CNOT10: variants seen among roughly 807,000 people sequenced by gnomAD.
CNOT10 encodes CCR4-NOT transcription complex, subunit 10.
CNOT10 carries 30 observed loss-of-function variants against 94.6 expected under a neutral mutation model. That is an observed-to-expected ratio of 0.32 (90% CI 0.24 to 0.43). CNOT10 has a LOEUF of 0.43. Ranked by LOEUF, CNOT10 falls within the 20% of genes least tolerant of loss-of-function variation. The probability of loss-of-function intolerance (pLI) is 1.00; values close to 1 mark genes in which losing one functional copy is unlikely to be tolerated. For missense variants in CNOT10, 759 were observed against 877.2 expected, an observed-to-expected ratio of 0.87 and a Z score of 1.70; for synonymous variants, 289 against 301.6, an observed-to-expected ratio of 0.96 and a Z score of 0.43.
chr3:32,716,984 G>T (rs1483464011), intron 6 of CNOT10, among the ~76,000 whole-genome samples, 170 bp from the exon 7 acceptor site: 1 of 152,254 alleles, frequency 6.6e-6, no homozygotes, highest in South Asian at 2.1e-4. Flanking sequence ...GTATTTTGAA[G>T]TATATTCGAA....
rs372155147 is a variant in CNOT10 at position 32,703,943 on chromosome 3, A to G, written c.98A>G (p.Asn33Ser). 1.7e-5 allele frequency: 28 copies of G among 1,612,252 alleles called. No homozygotes were observed. The highest frequency in any genetic ancestry group is 1.6e-4 in the South Asian group (15 of 91,032). The change falls in exon 2 of 19, where the codon AAT becomes AGT. Residue 33 changes from asparagine to serine, a missense_variant. This residue lies in a region of CNOT10 where 682 missense variants were observed against 799.4 expected (regional missense o/e 0.85). Coordinates refer to ENST00000328834, the MANE Select transcript of CNOT10 (RefSeq NM_015442.3). Reference protein sequence around the residue: ...ITDQEKELSTNAFQAFTSGNY... With the variant: ...ITDQEKELSTSAFQAFTSGNY... ...GATCAAGAGAAGGAGTTATCCACCA[A>G]TGCTTTCCAAGCTTTCACAGTAAGA... is the stretch of plus-strand genomic sequence containing the variant.
At chr3:32,766,425 G>A in intron 17 of CNOT10, among the ~76,000 whole-genome samples, 1 of 47,414 alleles carries the variant, frequency 2.1e-5, no homozygotes, top group Non-Finnish European at 4.7e-5. Flanking sequence ...GAGGTCAGGA[G>A]ATCAAGACCA....
chr3:32,721,023 T>TCCTTCCTTC (rs1179428994), intron 8 of CNOT10, among the ~76,000 whole-genome samples: 5 of 140,696 alleles, frequency 3.6e-5, no homozygotes, highest in Admixed American at 1.5e-4. Context: ...CTCCCTCTCT[T>TCCTTCCTTC]CCTTCCTTCC....
At chr3:32,746,010 A>G (rs1241227661) in intron 13 of CNOT10, among the ~76,000 whole-genome samples, 2 of 152,216 alleles carry the variant, frequency 1.3e-5, no homozygotes, top group Admixed American at 6.5e-5. Flanking sequence ...ACCAATTACT[A>G]ATGCACAAGT....
chr3:32,770,944 C>T (rs1167454265), intron 18 of CNOT10, among the ~76,000 whole-genome samples: 2 of 151,982 alleles, frequency 1.3e-5, no homozygotes, highest in Non-Finnish European at 2.9e-5. Flanking sequence ...AACTTCTGAC[C>T]TCAGGTGATC....
intron 1 of CNOT10, among the ~76,000 whole-genome samples, chr3:32,700,526 A>G (rs1389643011): frequency 2.0e-5 from 3 of 152,308 alleles, no homozygotes; most frequent in Non-Finnish European, 2.9e-5. Flanking sequence ...AATCTGCACT[A>G]TTGTGCTACA....
intron 10 of CNOT10, among the ~76,000 whole-genome samples, chr3:32,728,076 A>G (rs2125566495): frequency 6.6e-6 from 1 of 151,668 alleles, no homozygotes; most frequent in South Asian, 2.1e-4. Flanking sequence ...GGCTCACTGC[A>G]ACCTCCACCT....
intron 3 of CNOT10, among the ~76,000 whole-genome samples, chr3:32,705,186 C>T (rs934382442): frequency 6.6e-6 from 1 of 151,708 alleles, no homozygotes; most frequent in East Asian, 1.9e-4. Context: ...TGAACTTGAA[C>T]AGAATAGACT....
intron 1 of CNOT10, among the ~76,000 whole-genome samples, chr3:32,697,722 T>C (rs111845873): frequency 6.6e-6 from 1 of 152,138 alleles, no homozygotes; most frequent in Admixed American, 6.5e-5. Context: ...CAGTCCTCCT[T>C]CCTTGGCCTG....
At chr3:32,763,407 T>C (rs1415189950) in intron 15 of CNOT10, among the ~76,000 whole-genome samples, 1 of 152,164 alleles carries the variant, frequency 6.6e-6, no homozygotes, top group Non-Finnish European at 1.5e-5. Context: ...TCCCAACACT[T>C]TGGGAGGCCG....
intron 13 of CNOT10, chr3:32,754,031 C>T: frequency 4.2e-6 from 2 of 477,330 alleles, no homozygotes; most frequent in Non-Finnish European, 7.3e-6. Context: ...ACCCAGGAGG[C>T]GGAGGTTGCA....
Position 32,685,472 on chromosome 3 carries a change from C to T in CNOT10, c.12C>T (p.Asp4=), listed in dbSNP as rs1315405852. Residue 4 remains aspartate, a synonymous_variant, in exon 1 of 19, where the codon GAC becomes GAT. Coordinates refer to ENST00000328834, the MANE Select transcript of CNOT10 (RefSeq NM_015442.3). ...GTCGAAGCGGGAAGATGGCTGCAGA[C>T]AAGCCTGCAGGTAGGGCGCCAATGT... MAA[D]KPADQGAEKH... 1.7e-5 allele frequency: 27 copies of T among 1,550,316 alleles called. No individual in the cohort carries two copies. Among genetic ancestry groups the T allele is most frequent in the Non-Finnish European group, 2.4e-5 (27 of 1,146,778 alleles).
chr3:32,695,741 A>C, intron 1 of CNOT10: 1 of 1,536,046 alleles, frequency 6.5e-7, no homozygotes, highest in Non-Finnish European at 8.7e-7. Flanking sequence ...CTTATGGGTG[A>C]ACGGTCGTAT....
chr3:32,725,313 A>C (rs1169397507), intron 8 of CNOT10, 137 bp from the exon 9 acceptor site: 5 of 616,700 alleles, frequency 8.1e-6, no homozygotes, highest in Non-Finnish European at 1.4e-5. Flanking sequence ...CTAAATTTCA[A>C]ATGCCTTGTG....
intron 13 of CNOT10, among the ~76,000 whole-genome samples, chr3:32,754,431 C>T (rs1318227695): frequency 1.1e-4 from 14 of 128,150 alleles, no homozygotes; most frequent in African/African-American, 4.0e-4. Context: ...GAGCCAAGAT[C>T]GTGCCACTGC....
Position 32,725,567 on chromosome 3 carries a change from G to A in CNOT10, c.980G>A (p.Cys327Tyr). ...KKALQENDNVCAQLSAGSTDP... is the reference protein window; with the variant it reads ...KKALQENDNVYAQLSAGSTDP... ...GCTCTGCAAGAGAATGACAATGTCT[G>A]TGCACAGCTCAGTGCAGGTAGCACT... The change falls in exon 9 of 19, where the codon TGT becomes TAT. Residue 327 changes from cysteine to tyrosine, a missense_variant. Physicochemically the swap from Cys to Tyr is radical, Grantham distance 194. Around this residue, in one of 3 missense-constraint regions of CNOT10, gnomAD observed 682 missense variants for 799.4 expected, o/e 0.85. Transcript: ENST00000328834. 3.1e-6 allele frequency: 5 copies of A among 1,614,110 alleles called. No homozygotes were observed. Among genetic ancestry groups the A allele is most frequent in the Non-Finnish European group, 3.4e-6 (4 of 1,179,960 alleles).
At chr3:32,696,592 TTTATTTATTTA>T (rs1170902172) in intron 1 of CNOT10, among the ~76,000 whole-genome samples, 1 of 152,130 alleles carries the variant, frequency 6.6e-6, no homozygotes, top group African/African-American at 2.4e-5. Context: ...AGCTTATCTA[TTTATTTATTTA>T]TTATTTATTT....
rs760183528 is a variant in CNOT10, at chr3:32,759,551, C to G, written c.1689C>G (p.Pro563=). ...ATGCAGATAAACTTCTTCAGCAGCCCAAGCTGTCAGGATCTCTTAAGTAAG... is the reference window on the plus strand; with the variant it reads ...ATGCAGATAAACTTCTTCAGCAGCCGAAGCTGTCAGGATCTCTTAAGTAAG... ...LNHADKLLQQ[P]KLSGSLKFLG... is the part of the protein sequence containing the mutation. The change falls in exon 14 of 19, where the codon CCC becomes CCG. Residue 563 remains proline (P), a synonymous_variant. Transcript: ENST00000328834. 11 of 1,613,692 alleles carry G rather than the reference C, an allele frequency of 6.8e-6. No individual in the cohort carries two copies. The East Asian group carries it at 2.2e-4, about 33-fold the overall frequency.
intron 14 of CNOT10, among the ~76,000 whole-genome samples, chr3:32,762,456 G>A (rs1184946822): frequency 6.6e-6 from 1 of 151,792 alleles, no homozygotes; most frequent in African/African-American, 2.4e-5. Context: ...TTTTTTTGTA[G>A]AGACAGGGTT....
Sources: gnomAD v4.1 joint callset for allele counts (sites outside exome capture counted in the v4.1 genomes callset) on GRCh38, gnomAD v4.1.1 for gene constraint, gnomAD v4.1.1 regional missense constraint, MANE v1.5 for transcripts, NCBI Gene and HGNC (gene_info 2026-07-23, HGNC 2026-07-21) for gene names.